The following CNKSR3 variants were observed in gnomAD, a reference collection of about 807,000 sequenced individuals.
CNKSR3 encodes the protein connector enhancer of kinase suppressor of ras 3.
A neutral mutation model predicts 67.7 loss-of-function variants in CNKSR3; 36 were observed. That is an observed-to-expected ratio of 0.53 (90% CI 0.41 to 0.70). The LOEUF (loss-of-function observed/expected upper bound fraction) is 0.70. Ranked by LOEUF, CNKSR3 falls within the 30% of genes least tolerant of loss-of-function variation. The pLI is 0.00. For synonymous variants in CNKSR3, 281 were observed against 271.4 expected, an observed-to-expected ratio of 1.04 and a Z score of -0.35; for missense variants, 630 against 695.2, an observed-to-expected ratio of 0.91 and a Z score of 1.05.
intron 1 of CNKSR3, among the ~76,000 whole-genome samples, chr6:154,484,695 CAA>C (rs1166789172): frequency 3.4e-4 from 22 of 65,510 alleles, no homozygotes; most frequent in Admixed American, 3.6e-4. Flanking sequence ...GAGCAAGACT[CAA>C]AAAAAAAAAA....
intron 2 of CNKSR3, among the ~76,000 whole-genome samples, chr6:154,445,133 C>T (rs1785683116): frequency 6.6e-6 from 1 of 151,394 alleles, no homozygotes; most frequent in Non-Finnish European, 1.5e-5. Flanking sequence ...TTTATGTTAC[C>T]TCCTAGTGAA....
chr6:154,415,367 A>G (rs1785003537), intron 9 of CNKSR3, among the ~76,000 whole-genome samples: 1 of 151,302 alleles, frequency 6.6e-6, no homozygotes, highest in Non-Finnish European at 1.5e-5. Flanking sequence ...AGTAGCTGGG[A>G]TTACAGGTGC....
intron 4 of CNKSR3, among the ~76,000 whole-genome samples, chr6:154,436,522 T>A (rs1440011912): frequency 1.3e-5 from 2 of 152,282 alleles, no homozygotes. Context: ...CCTAATTCTT[T>A]TTTTTGTTGT....
At chr6:154,436,814 C>T (rs774836014) in intron 4 of CNKSR3, among the ~76,000 whole-genome samples, 4 of 152,142 alleles carry the variant, frequency 2.6e-5, no homozygotes, top group Non-Finnish European at 2.9e-5. Context: ...TCTCAAATTA[C>T]AGCCTCAACA....
intron 12 of CNKSR3, among the ~76,000 whole-genome samples, chr6:154,407,605 A>T (rs1784822261): frequency 6.6e-6 from 1 of 151,912 alleles, no homozygotes; most frequent in African/African-American, 2.4e-5. Context: ...GGCTCAAGCG[A>T]TCCTCCCACC....
chr6:154,428,034 C>G (rs919386210), intron 7 of CNKSR3, 94 bp downstream of exon 7: 27 of 798,580 alleles, frequency 3.4e-5, no homozygotes, highest in Non-Finnish European at 5.8e-5. Context: ...AATAATCAAA[C>G]AGCATGCACA....
intron 1 of CNKSR3, among the ~76,000 whole-genome samples, chr6:154,462,799 C>T (rs938979707): frequency 6.6e-6 from 1 of 152,224 alleles, no homozygotes; most frequent in Non-Finnish European, 1.5e-5. Context: ...CTTCACAAGC[C>T]TTTCCAAACC....
Position 154,422,995 on chromosome 6 carries a change from C to T in CNKSR3, c.730-12G>A. 3 of 1,569,488 alleles carry T rather than the reference C, an allele frequency of 1.9e-6. No individual in the cohort carries two copies. Among genetic ancestry groups the T allele is most frequent in the Middle Eastern group, 1.7e-4 (1 of 5,930 alleles). On this transcript the variant is annotated splice_polypyrimidine_tract_variant and intron_variant, in intron 7 of 12. Coordinates refer to ENST00000607772, the MANE Select transcript of CNKSR3 (RefSeq NM_173515.4). ...CTGTCTGCAGGAGACTGTACAGAAA[C>T]AAAATAACCTGCCTTAATTCTTTTA...
chr6:154,411,539 CAGG>C (rs1359126074), intron 10 of CNKSR3, among the ~76,000 whole-genome samples: 3 of 147,776 alleles, frequency 2.0e-5, no homozygotes, highest in Non-Finnish European at 4.4e-5. Context: ...GAGACTGAGG[CAGG>C]AGAAGTGCTT....
Position 154,408,169 on chromosome 6 carries a change from C to T in CNKSR3, c.1370-1517G>A, listed in dbSNP as rs374998546. 5.9e-5 allele frequency among the ~76,000 whole-genome samples: 9 copies of T among 152,186 alleles called. No homozygotes were observed. The South Asian group carries it at 8.3e-4, about 14-fold the overall frequency. On this transcript the variant is annotated intron_variant, in intron 12 of 12. Transcript: ENST00000607772. Reference sequence around the variant, plus strand: ...CCTCCCGAATAGCTGAGACTACAGGCGCCCACCACCACACCTGGCCAATTT... The same window carrying T: ...CCTCCCGAATAGCTGAGACTACAGGTGCCCACCACCACACCTGGCCAATTT...
chr6:154,452,488 A>G (rs1785858510), intron 1 of CNKSR3, among the ~76,000 whole-genome samples: 1 of 14,222 alleles, frequency 7.0e-5, no homozygotes. Context: ...AGAATCACTT[A>G]GCCAGTTCTA....
chr6:154,437,122 G>A (rs1325640625), intron 4 of CNKSR3, among the ~76,000 whole-genome samples: 1 of 152,080 alleles, frequency 6.6e-6, no homozygotes, highest in East Asian at 1.9e-4. Flanking sequence ...GGCTCAGACA[G>A]AACATGTTCT....
At chr6:154,441,460 C>A in intron 3 of CNKSR3, 81 bp from the exon 4 acceptor site, 1 of 963,378 alleles carries the variant, frequency 1.0e-6, no homozygotes. Context: ...AGCATAGCTA[C>A]CCCATGGGCT....
intron 1 of CNKSR3, among the ~76,000 whole-genome samples, chr6:154,466,447 T>C (rs570369631): frequency 7.2e-5 from 11 of 152,256 alleles, no homozygotes; most frequent in South Asian, 2.1e-4. Context: ...TTTGGAAATA[T>C]TGTAAACCCT....
intron 1 of CNKSR3, among the ~76,000 whole-genome samples, chr6:154,482,872 TTCC>T: frequency 6.6e-6 from 1 of 152,304 alleles, no homozygotes; most frequent in South Asian, 2.1e-4. Context: ...GTAAATCACA[TTCC>T]ATAGCTCTTG....
chr6:154,442,240 T>G lies in CNKSR3; in HGVS notation c.267A>C (p.Arg89Ser). The G allele has an allele frequency of 6.2e-7, 1 of 1,614,146 alleles. No homozygotes were observed. The highest frequency in any genetic ancestry group is 1.1e-5 in the South Asian group (1 of 91,086). The change falls in exon 3 of 13, where the codon AGA becomes AGC. Residue 89 changes from arginine to serine, a missense_variant. Physicochemically the swap from Arg to Ser is moderately radical, Grantham distance 110. Transcript: ENST00000607772. ...AATTCTGTAAATTGTGGGAAGATGC[T>G]CTCAGTTTCAGAACCAAGTTCTTCA... ...DNMKNLVLKL[R>S]ASSHNLQNYI...
At chr6:154,406,941 G>A (rs1784806668) in intron 12 of CNKSR3, among the ~76,000 whole-genome samples, 1 of 145,712 alleles carries the variant, frequency 6.9e-6, no homozygotes, top group South Asian at 2.2e-4. Context: ...GACAGAGCGA[G>A]ACTCTGTCCC....
At chr6:154,464,631 G>A (rs553393604) in intron 1 of CNKSR3, among the ~76,000 whole-genome samples, 2 of 151,426 alleles carry the variant, frequency 1.3e-5, no homozygotes, top group East Asian at 2.0e-4. Context: ...CAGGGGAATC[G>A]CTTGAACCCG....
intron 1 of CNKSR3, among the ~76,000 whole-genome samples, chr6:154,458,047 C>T (rs893478778): frequency 1.3e-5 from 2 of 152,216 alleles, no homozygotes; most frequent in Non-Finnish European, 2.9e-5. Flanking sequence ...GAATGGAACA[C>T]GGCCATGACT....
Sources: gnomAD v4.1 joint callset for allele counts (sites outside exome capture counted in the v4.1 genomes callset) on GRCh38, gnomAD v4.1.1 for gene constraint, MANE v1.5 for transcripts, NCBI Gene and HGNC (gene_info 2026-07-23, HGNC 2026-07-21) for gene names.